Variants in SFMBT2 observed in about 807,000 individuals in gnomAD.
SFMBT2 encodes scm-like with four MBT domains protein 2.
A neutral mutation model predicts 110.1 loss-of-function variants in SFMBT2; 38 were observed. That is an observed-to-expected ratio of 0.35 (90% confidence interval 0.27 to 0.45). The LOEUF is 0.45. SFMBT2 is among the 20% of genes least tolerant of loss of function. SFMBT2 has a pLI of 1.00. For synonymous variants in SFMBT2, 425 were observed against 425.4 expected, an observed-to-expected ratio of 1.00 and a Z score of 0.01; for missense variants, 1,011 against 1,094.9, an observed-to-expected ratio of 0.92 and a Z score of 1.08.
chr10:7,224,432 T>C (rs1043349520), intron 10 of SFMBT2, among the ~76,000 whole-genome samples: 2 of 152,218 alleles, frequency 1.3e-5, no homozygotes, highest in East Asian at 1.9e-4. Context: ...TTCCAGGATC[T>C]GTGGTTGCCC....
chr10:7,177,681 A>G (rs1467297029), intron 16 of SFMBT2, among the ~76,000 whole-genome samples: 1 of 152,082 alleles, frequency 6.6e-6, no homozygotes, highest in Non-Finnish European at 1.5e-5. Flanking sequence ...ACTGAGCAGC[A>G]TAGCGAGACC....
intron 2 of SFMBT2, among the ~76,000 whole-genome samples, chr10:7,376,194 C>G (rs886086243): frequency 6.6e-6 from 1 of 152,090 alleles, no homozygotes; most frequent in Admixed American, 6.5e-5. Context: ...CGCCTGGAAT[C>G]CCAGCATTGG....
chr10:7,371,854 A>AT (rs1300043117), intron 2 of SFMBT2, among the ~76,000 whole-genome samples: 1 of 150,556 alleles, frequency 6.6e-6, no homozygotes, highest in Admixed American at 6.6e-5. Flanking sequence ...CAGATAGGCC[A>AT]GGGGACATGG....
rs758450547 is a variant in SFMBT2, at chr10:7,172,509, C to T, written c.2137G>A (p.Ala713Thr). ...GCAGAACATACCTCCCCCGAGCCCGCGGTGAAGTCCACGGCAGAAGACCTC... is the reference window on the plus strand; with the variant it reads ...GCAGAACATACCTCCCCCGAGCCCGTGGTGAAGTCCACGGCAGAAGACCTC... Reference protein sequence around the residue: ...KRRSSAVDFTAGSGEESEEED... With the variant: ...KRRSSAVDFTTGSGEESEEED... Residue 713 changes from alanine (A) to threonine (T), a missense_variant, in exon 18 of 21, where the codon GCG (alanine) becomes ACG (threonine). By Grantham distance (58) the Ala-to-Thr change is moderately conservative. Around this residue, in one of 2 missense-constraint regions of SFMBT2, gnomAD observed 979 missense variants for 1,016.1 expected, o/e 0.96. Transcript: ENST00000397167. This position sits in a 1 kb window ranked among gnomAD's most constrained non-coding sequence, Gnocchi z 4.6. 3.1e-6 allele frequency: 5 copies of T among 1,614,092 alleles called. No homozygotes were observed. Among genetic ancestry groups the T allele is most frequent in the South Asian group, 1.1e-5 (1 of 91,082 alleles).
Position 7,292,712 on chromosome 10 carries a change from T to C in SFMBT2, c.437-6758A>G, listed in dbSNP as rs191500353. 2.6e-5 allele frequency among the ~76,000 whole-genome samples: 4 copies of C among 152,284 alleles called. No homozygotes were observed. In the East Asian group the frequency reaches 7.7e-4, roughly 29 times the overall value. On this transcript the variant is annotated intron_variant, in intron 4 of 20. Transcript: ENST00000397167. ...TGATTAAGAAAAGAAATAGTATCAT[T>C]TTGTTGTAAAGAATAAGATTTAGGT...
At chr10:7,331,866 C>T (rs941304298) in intron 4 of SFMBT2, among the ~76,000 whole-genome samples, 6 of 151,866 alleles carry the variant, frequency 4.0e-5, no homozygotes, top group African/African-American at 1.2e-4. Flanking sequence ...AAAAATTAGC[C>T]GGGCGTGGTG....
rs544406690 is a variant in SFMBT2, at chr10:7,346,204, T to A, written c.436+21445A>T. Among the ~76,000 whole-genome samples, 7 of 152,340 alleles carry A rather than the reference T, an allele frequency of 4.6e-5. No homozygotes were observed. In the South Asian group the frequency reaches 1.5e-3, roughly 32 times the overall value. On this transcript the variant is annotated intron_variant, in intron 4 of 20. Transcript: ENST00000397167. ...CTCTTATCCCCTTGTGCAAAGTGAT[T>A]GAATCGAAACATTTTAATCACCAGC...
intron 15 of SFMBT2, among the ~76,000 whole-genome samples, chr10:7,189,736 G>A (rs746163458): frequency 6.6e-6 from 1 of 152,202 alleles, no homozygotes; most frequent in Non-Finnish European, 1.5e-5. Context: ...GTCCGGGTGC[G>A]GAAGTTGGAA....
chr10:7,291,019 G>T (rs941294434), intron 4 of SFMBT2, among the ~76,000 whole-genome samples: 1 of 151,608 alleles, frequency 6.6e-6, no homozygotes, highest in African/African-American at 2.4e-5. Context: ...TGTGTAGACC[G>T]GGCTGTGAGT....
intron 4 of SFMBT2, among the ~76,000 whole-genome samples, chr10:7,361,408 T>C (rs1220196811): frequency 1.3e-5 from 2 of 152,222 alleles, no homozygotes; most frequent in African/African-American, 4.8e-5. Flanking sequence ...CTAGTCACTT[T>C]CCTGTCCCAT....
At position 7,367,429 on chromosome 10, in the gene SFMBT2, GC is replaced by G. The variant is rs1844943753; in HGVS notation, c.436+219del. On this transcript the variant is annotated intron_variant, in intron 4 of 20. Transcript: ENST00000397167. The surrounding 1 kb of genome is among the most constrained non-coding windows in gnomAD (Gnocchi z 6.2). Reference sequence around the variant, plus strand: ...TTAGGCATACTTTCAGTTCCGAAAAGCCAAGTTTGGCTCCATTGTCAGCACC... The same window carrying G: ...TTAGGCATACTTTCAGTTCCGAAAAGCAAGTTTGGCTCCATTGTCAGCACC... Among the ~76,000 whole-genome samples, 1 of 152,112 alleles carries G rather than the reference GC, an allele frequency of 6.6e-6. No individual in the cohort carries two copies. The highest frequency in any genetic ancestry group is 6.5e-5 in the Admixed American group (1 of 15,276).
At chr10:7,254,102 T>C (rs1488133841) in intron 7 of SFMBT2, among the ~76,000 whole-genome samples, 1 of 152,218 alleles carries the variant, frequency 6.6e-6, no homozygotes, top group East Asian at 1.9e-4. Context: ...ATGCTGTATG[T>C]GCAGAACTTT....
rs1233639358 is a variant in SFMBT2, at chr10:7,408,332, C to G, written c.-52+2529G>C. ...TGCCCAGGTGGGAGGGGTCACCTGCCGCGGGGTCTCCAAGCCAGTGCCGCT... is the reference window on the plus strand; with the variant it reads ...TGCCCAGGTGGGAGGGGTCACCTGCGGCGGGGTCTCCAAGCCAGTGCCGCT... On this transcript the variant is annotated intron_variant, in intron 1 of 20. Transcript: ENST00000397167. The surrounding 1 kb of genome is among the most constrained non-coding windows in gnomAD (Gnocchi z 5.7). Among the ~76,000 whole-genome samples the G allele has an allele frequency of 2.6e-5, 4 of 152,228 alleles. No individual in the cohort carries two copies. Among genetic ancestry groups the G allele is most frequent in the African/African-American group, 4.8e-5 (2 of 41,520 alleles).
At chr10:7,204,173 A>C (rs1281568643) in intron 12 of SFMBT2, 2 of 238,044 alleles carry the variant, frequency 8.4e-6, no homozygotes, top group South Asian at 1.5e-4. Flanking sequence ...GAAAAGGAGA[A>C]TCCCATAGAA....
chr10:7,355,503 G>GT (rs1844476734), intron 4 of SFMBT2, among the ~76,000 whole-genome samples: 2 of 152,110 alleles, frequency 1.3e-5, no homozygotes, highest in Non-Finnish European at 2.9e-5. Flanking sequence ...AATTTGTATG[G>GT]TAAAATATTT....
At chr10:7,353,036 TAAATA>T (rs1422242672) in intron 4 of SFMBT2, among the ~76,000 whole-genome samples, 4 of 151,156 alleles carry the variant, frequency 2.6e-5, no homozygotes, top group Non-Finnish European at 4.4e-5. Flanking sequence ...AATAAATAAA[TAAATA>T]AAATAAGTAC....
intron 4 of SFMBT2, among the ~76,000 whole-genome samples, chr10:7,352,499 T>G (rs556123174): frequency 6.6e-6 from 1 of 152,142 alleles, no homozygotes; most frequent in African/African-American, 2.4e-5. Flanking sequence ...ATTTTTTTTT[T>G]CTTAGAAATG....
intron 4 of SFMBT2, among the ~76,000 whole-genome samples, chr10:7,325,053 C>T (rs1413748908): frequency 2.6e-5 from 4 of 150,988 alleles, no homozygotes. Flanking sequence ...CTACAACCTC[C>T]ACCTCCCAGG....
At chr10:7,286,295 G>T in intron 4 of SFMBT2, 1 of 368,428 alleles carries the variant, frequency 2.7e-6, no homozygotes, top group Non-Finnish European at 3.8e-6. Flanking sequence ...GTGAGGCTAG[G>T]GAAATCAGAG....
Sources: gnomAD v4.1 joint callset for allele counts (sites outside exome capture counted in the v4.1 genomes callset) on GRCh38, gnomAD v4.1.1 for gene constraint, gnomAD v4.1.1 regional missense constraint, Gnocchi (gnomAD v3.1) non-coding constraint, MANE v1.5 for transcripts, NCBI Gene and HGNC (gene_info 2026-07-23, HGNC 2026-07-21) for gene names.